The following PAPPA variants were observed in gnomAD, a reference collection of about 807,000 sequenced individuals.
The protein encoded by PAPPA is pappalysin-1.
PAPPA carries 60 observed loss-of-function variants against 164.0 expected under a neutral mutation model. That is an observed-to-expected ratio of 0.37 (90% CI 0.30 to 0.45). The LOEUF (loss-of-function observed/expected upper bound fraction) is 0.45, where lower values mean the gene tolerates loss of function less well. Ranked by LOEUF, PAPPA falls within the 20% of genes least tolerant of loss-of-function variation. PAPPA has a pLI of 1.00. For missense variants in PAPPA, 1,782 were observed against 2,087.3 expected (o/e 0.85, Z 2.85); for synonymous variants, 875 against 814.1 (o/e 1.07, Z -1.27).
At chr9:116,388,690 T>G (rs906938107) in intron 21 of PAPPA, among the ~76,000 whole-genome samples, 1 of 152,208 alleles carries the variant, frequency 6.6e-6, no homozygotes, top group Non-Finnish European at 1.5e-5. Flanking sequence ...GCCTAAGGAC[T>G]CTTCACATGG....
At chr9:116,231,703 AT>A in intron 6 of PAPPA, among the ~76,000 whole-genome samples, 1 of 144,274 alleles carries the variant, frequency 6.9e-6, no homozygotes, top group Admixed American at 6.9e-5. Flanking sequence ...GGATGGATGG[AT>A]GGATGGATGG....
At chr9:116,338,321 A>G (rs1338690878) in intron 13 of PAPPA, among the ~76,000 whole-genome samples, 1 of 152,060 alleles carries the variant, frequency 6.6e-6, no homozygotes, top group African/African-American at 2.4e-5. Flanking sequence ...AGAGAGAGAC[A>G]GTTCTGATTG....
chr9:116,362,830 C>A, intron 18 of PAPPA, 91 bp downstream of exon 18: 1 of 1,261,358 alleles, frequency 7.9e-7, no homozygotes, highest in Non-Finnish European at 1.1e-6. Context: ...AACACCCTGG[C>A]CACATGAGTT....
chr9:116,157,491 G>T (rs1310512465), intron 1 of PAPPA, among the ~76,000 whole-genome samples: 1 of 152,144 alleles, frequency 6.6e-6, no homozygotes, highest in Non-Finnish European at 1.5e-5. Context: ...TCCACCAGTG[G>T]ATGGTCTTTA....
chr9:116,389,129 C>CTT lies in PAPPA; in HGVS notation c.4776+6654_4776+6655dup, dbSNP rs374938651. ...TCTTGACCTAGCAGCCAGAATAATC[C>CTT]TTTTTTTTTTTTTTTTTTTGGAAAC... is the stretch of plus-strand genomic sequence containing the variant. On this transcript the variant is annotated intron_variant, in intron 21 of 21. Transcript: ENST00000328252. Among the ~76,000 whole-genome samples, 225 of 128,830 alleles carry CTT rather than the reference C, an allele frequency of 1.7e-3. 4 individuals are homozygous for CTT. Among genetic ancestry groups the CTT allele is most frequent in the East Asian group, 0.015 (64 of 4,298 alleles). The allele number at this position is 128,830 out of a possible 152,430, so 84.5% of individuals were successfully genotyped here.
chr9:116,245,805 G>C (rs1844790586), intron 7 of PAPPA, among the ~76,000 whole-genome samples: 1 of 152,174 alleles, frequency 6.6e-6, no homozygotes, highest in African/African-American at 2.4e-5. Flanking sequence ...AAACACGTAG[G>C]ACTGAAATTG....
At chr9:116,324,365 T>A (rs1294449582) in intron 10 of PAPPA, among the ~76,000 whole-genome samples, 2 of 152,204 alleles carry the variant, frequency 1.3e-5, no homozygotes, top group African/African-American at 2.4e-5. Flanking sequence ...ATTTAGTACA[T>A]ACAGAGTCCT....
intron 9 of PAPPA, among the ~76,000 whole-genome samples, chr9:116,277,512 T>C (rs1845214066): frequency 6.6e-6 from 1 of 152,106 alleles, no homozygotes; most frequent in Non-Finnish European, 1.5e-5. Flanking sequence ...TCGCAGTTTT[T>C]TCAATCATAA....
At chr9:116,173,947 A>G (rs1843801867) in intron 1 of PAPPA, among the ~76,000 whole-genome samples, 1 of 152,180 alleles carries the variant, frequency 6.6e-6, no homozygotes, top group African/African-American at 2.4e-5. Flanking sequence ...CTAAGCAGAA[A>G]TATTTAGAAG....
intron 7 of PAPPA, among the ~76,000 whole-genome samples, chr9:116,256,757 T>C (rs1452926604): frequency 1.3e-5 from 2 of 151,966 alleles, no homozygotes; most frequent in African/African-American, 4.8e-5. Flanking sequence ...TTGTGATATT[T>C]TAACACATTT....
chr9:116,332,324 C>A lies in PAPPA; in HGVS notation c.3262-9C>A. 6.2e-7 allele frequency: 1 copy of A among 1,611,004 alleles called. No individual in the cohort carries two copies. The highest frequency in any genetic ancestry group is 1.3e-5 in the African/African-American group (1 of 74,986). The stretch of plus-strand genomic sequence containing the variant: ...CACATGTGACCCTCCTACGTCTTCA[C>A]AATTTCAGGCGTATTTTTCTCAACC... On this transcript the variant is annotated splice_polypyrimidine_tract_variant and intron_variant, in intron 11 of 21. Transcript: ENST00000328252.
intron 4 of PAPPA, among the ~76,000 whole-genome samples, chr9:116,217,441 A>C (rs1241967363): frequency 6.6e-6 from 1 of 152,160 alleles, no homozygotes; most frequent in Non-Finnish European, 1.5e-5. Flanking sequence ...GAATGAACAG[A>C]TGTGCTATTT....
intron 7 of PAPPA, among the ~76,000 whole-genome samples, chr9:116,242,183 G>A (rs762208565): frequency 6.6e-6 from 1 of 152,084 alleles, no homozygotes; most frequent in Non-Finnish European, 1.5e-5. Flanking sequence ...GGGCAGGGGG[G>A]CTGTGAGAAA....
intron 17 of PAPPA, among the ~76,000 whole-genome samples, chr9:116,361,427 C>G (rs1846425488): frequency 6.6e-6 from 1 of 152,180 alleles, no homozygotes; most frequent in African/African-American, 2.4e-5. Flanking sequence ...ATCTGTGTTA[C>G]CAGCTCATCT....
intron 3 of PAPPA, among the ~76,000 whole-genome samples, chr9:116,210,684 T>C (rs565388298): frequency 1.4e-4 from 21 of 152,294 alleles, no homozygotes; most frequent in African/African-American, 4.8e-4. Flanking sequence ...GCCAAGCAAT[T>C]CTCAATCTTC....
At chr9:116,227,846 T>G (rs1844534319) in intron 6 of PAPPA, among the ~76,000 whole-genome samples, 1 of 152,142 alleles carries the variant, frequency 6.6e-6, no homozygotes, top group South Asian at 2.1e-4. Context: ...CTTGGGGGTA[T>G]TTATATATCC....
At chr9:116,195,633 C>A (rs1844095035) in intron 2 of PAPPA, among the ~76,000 whole-genome samples, 1 of 152,146 alleles carries the variant, frequency 6.6e-6, no homozygotes, top group Non-Finnish European at 1.5e-5. Context: ...CACAGTCAAC[C>A]TTTTAGGACA....
At chr9:116,227,384 A>C in intron 5 of PAPPA, 47 bp from the exon 6 acceptor site, 2 of 1,610,246 alleles carry the variant, frequency 1.2e-6, no homozygotes. Context: ...TTGCTCATTC[A>C]ACTGTTCCTA....
rs776691159 is a variant in PAPPA, at chr9:116,302,880, A to G, written c.3077A>G (p.Asn1026Ser). 6.2e-7 allele frequency: 1 copy of G among 1,614,126 alleles called. No individual in the cohort carries two copies. Residue 1026 changes from asparagine to serine, a missense_variant, in exon 10 of 22, where the codon AAT (asparagine) becomes AGT (serine). Around this residue, in one of 2 missense-constraint regions of PAPPA, gnomAD observed 1,324 missense variants for 1,656.9 expected, o/e 0.80. Coordinates refer to ENST00000328252, the MANE Select transcript of PAPPA (RefSeq NM_002581.5). ...GGATTCCTGGATCAGTGGGCATCCAATGCTTCAGTATCTCATCAAGACCAG... is the reference window on the plus strand; with the variant it reads ...GGATTCCTGGATCAGTGGGCATCCAGTGCTTCAGTATCTCATCAAGACCAG... ...PQGFLDQWAS[N>S]ASVSHQDQQC...
Sources: gnomAD v4.1 joint callset for allele counts (sites outside exome capture counted in the v4.1 genomes callset) on GRCh38, gnomAD v4.1.1 for gene constraint, gnomAD v4.1.1 regional missense constraint, MANE v1.5 for transcripts, NCBI Gene and HGNC (gene_info 2026-07-23, HGNC 2026-07-21) for gene names.